RANBP2: variants seen among roughly 807,000 people sequenced by gnomAD.
RANBP2 encodes the protein RAN binding protein 2, also known as E3 SUMO-protein ligase RanBP2.
RANBP2 carries 57 observed loss-of-function variants against 303.6 expected under a neutral mutation model. The observed-to-expected ratio is 0.19, with a 90% CI of 0.15 to 0.23. The LOEUF (loss-of-function observed/expected upper bound fraction) is 0.23, where lower values mean the gene tolerates loss of function less well. RANBP2 is among the 10% of genes least tolerant of loss of function. The pLI is 1.00. For missense variants in RANBP2, 3,138 were observed against 3,780.8 expected, an observed-to-expected ratio of 0.83 and a Z score of 4.46; for synonymous variants, 1,167 against 1,301.5, an observed-to-expected ratio of 0.90 and a Z score of 2.23.
chr2:108,772,255 G>A (rs764465421), intron 21 of RANBP2, among the ~76,000 whole-genome samples: 2 of 152,196 alleles, frequency 1.3e-5, no homozygotes, highest in Non-Finnish European at 2.9e-5. Context: ...TTGGACAGTG[G>A]TATATAGTAT....
At chr2:109,348,333 C>T in the RANBP2 span, among the ~76,000 whole-genome samples, 7 of 152,164 alleles carry the variant, frequency 4.6e-5, no homozygotes, top group Non-Finnish European at 8.8e-5. Context: ...GAGAGGGGCT[C>T]ATCAGGGGAA....
At chr2:109,087,400 G>A in the RANBP2 span, among the ~76,000 whole-genome samples, 9 of 152,270 alleles carry the variant, frequency 5.9e-5, no homozygotes, top group East Asian at 1.7e-3. Flanking sequence ...CACAGATGTA[G>A]CAACGGACGC....
intron 9 of RANBP2, among the ~76,000 whole-genome samples, chr2:108,750,627 A>AC (rs1675808511): frequency 6.9e-6 from 1 of 144,416 alleles, no homozygotes; most frequent in Admixed American, 7.0e-5. Flanking sequence ...TCGCTCTGTC[A>AC]CCCAGGCTGG....
the RANBP2 span, among the ~76,000 whole-genome samples, chr2:109,204,937 G>A: frequency 5.9e-5 from 9 of 152,202 alleles, no homozygotes; most frequent in Non-Finnish European, 1.2e-4. Context: ...GGTGGGCATG[G>A]TGGCTCATGC....
At chr2:109,606,127 G>A in the RANBP2 span, among the ~76,000 whole-genome samples, 69,205 of 152,098 alleles carry the variant, frequency 0.46, 16,183 homozygotes, top group African/African-American at 0.56. Context: ...ATAAAATGTG[G>A]TAACACAGGC....
the RANBP2 span, among the ~76,000 whole-genome samples, chr2:109,005,036 C>T: frequency 1.3e-5 from 2 of 152,220 alleles, no homozygotes; most frequent in African/African-American, 4.8e-5. Context: ...CATATAATCT[C>T]TCACACCTGT....
chr2:108,727,068 A>T lies in RANBP2; in HGVS notation c.73-2064A>T, dbSNP rs548926451. On this transcript the variant is annotated intron_variant, in intron 1 of 28. Coordinates refer to ENST00000283195, the MANE Select transcript of RANBP2 (RefSeq NM_006267.5). ...AGACACGGCAACCATCCGATTTCTC[A>T]ATCTTTTCCCCACCTTTCCCGCCTT... 2.6e-5 allele frequency among the ~76,000 whole-genome samples: 4 copies of T among 152,250 alleles called. No individual in the cohort carries two copies. In the East Asian group the frequency reaches 7.7e-4, roughly 29 times the overall value.
chr2:109,608,182 C>T, the RANBP2 span, among the ~76,000 whole-genome samples: 1 of 152,134 alleles, frequency 6.6e-6, no homozygotes, highest in Non-Finnish European at 1.5e-5. Flanking sequence ...GAGCTCAAGG[C>T]AATGTTCCTG....
At chr2:108,860,474 A>G in the RANBP2 span, among the ~76,000 whole-genome samples, 89 of 151,618 alleles carry the variant, frequency 5.9e-4, no homozygotes, top group Non-Finnish European at 8.8e-4. Flanking sequence ...TAGTTTTGTC[A>G]TAAATGACTC....
chr2:109,521,236 T>G, the RANBP2 span, among the ~76,000 whole-genome samples: 1 of 146,334 alleles, frequency 6.8e-6, no homozygotes, highest in African/African-American at 2.6e-5. Flanking sequence ...AAAAAAGAAT[T>G]ATGATGTTGA....
At chr2:109,231,882 A>T in the RANBP2 span, among the ~76,000 whole-genome samples, 2 of 152,254 alleles carry the variant, frequency 1.3e-5, no homozygotes, top group Non-Finnish European at 2.9e-5. Flanking sequence ...TGTAATTCAC[A>T]TGCCATGTAA....
the RANBP2 span, among the ~76,000 whole-genome samples, chr2:109,182,453 G>A: frequency 1.3e-5 from 2 of 152,156 alleles, no homozygotes; most frequent in Non-Finnish European, 1.5e-5. Flanking sequence ...CATAAACTTT[G>A]GGGGACACAC....
the RANBP2 span, chr2:109,129,660 G>T: frequency 6.6e-7 from 1 of 1,506,380 alleles, no homozygotes; most frequent in Non-Finnish European, 8.8e-7. Context: ...CCACCGCCGC[G>T]GGGGCGGGCG....
chr2:109,487,388 A>G, the RANBP2 span, among the ~76,000 whole-genome samples: 1 of 152,174 alleles, frequency 6.6e-6, no homozygotes, highest in African/African-American at 2.4e-5. Context: ...GGATTCCGTG[A>G]GCATGACGAT....
intron 7 of RANBP2, among the ~76,000 whole-genome samples, chr2:108,741,209 A>AT (rs1696051835): frequency 2.6e-5 from 4 of 151,492 alleles, no homozygotes; most frequent in African/African-American, 9.7e-5. Flanking sequence ...TTATTTTTTT[A>AT]TTTTTTTTGA....
chr2:109,405,296 C>T, the RANBP2 span, among the ~76,000 whole-genome samples: 28 of 152,286 alleles, frequency 1.8e-4, no homozygotes, highest in Admixed American at 5.2e-4. Context: ...CAAGGAGTCA[C>T]CACTGTCCTT....
At chr2:109,037,968 A>G in the RANBP2 span, among the ~76,000 whole-genome samples, 2 of 152,228 alleles carry the variant, frequency 1.3e-5, no homozygotes, top group African/African-American at 4.8e-5. Context: ...ATTTACATGG[A>G]AAGGCACAAG....
Position 108,755,268 on chromosome 2 carries a change from C to T in RANBP2, c.2466+9C>T. On this transcript the variant is annotated intron_variant, in intron 17 of 28. Coordinates refer to ENST00000283195, the MANE Select transcript of RANBP2 (RefSeq NM_006267.5). ...AAGTAGAGGCCATTAAGGTAAGTCACTTAATTTCTCTAGCTGTACTTTTTA... is the reference window on the plus strand; with the variant it reads ...AAGTAGAGGCCATTAAGGTAAGTCATTTAATTTCTCTAGCTGTACTTTTTA... The T allele has an allele frequency of 6.2e-7, 1 of 1,611,742 alleles. No individual in the cohort carries two copies. The highest frequency in any genetic ancestry group is 8.5e-7 in the Non-Finnish European group (1 of 1,179,766).
chr2:108,764,132 G>A lies in RANBP2; in HGVS notation c.3593G>A (p.Arg1198His), dbSNP rs781493975. The A allele has an allele frequency of 4.3e-6, 7 of 1,613,896 alleles. No individual in the cohort carries two copies. The highest frequency in any genetic ancestry group is 1.7e-5 in the Admixed American group (1 of 59,984). ...EEDEEEFFCN[R>H]AKLFRFDVES... ...GATGAAGAAGAATTCTTTTGCAACC[G>A]CGCGAAATTGTTTCGTTTCGATGTA... Residue 1198 changes from arginine to histidine, a missense_variant, in exon 20 of 29, where the codon CGC becomes CAC. Arg to His is a conservative substitution (Grantham distance 29, BLOSUM62 0). Around this residue, in one of 20 missense-constraint regions of RANBP2, gnomAD observed 403 missense variants for 376.7 expected, o/e 1.07. Transcript: ENST00000283195.
Sources: allele counts gnomAD v4.1 joint callset (sites outside exome capture counted in the v4.1 genomes callset), GRCh38; gene constraint gnomAD v4.1.1; regional missense constraint gnomAD v4.1.1; transcripts MANE v1.5; gene names NCBI Gene and HGNC (gene_info 2026-07-23, HGNC 2026-07-21).